CTNNBL1: variants seen among roughly 807,000 people sequenced by gnomAD.
CTNNBL1 encodes the protein beta-catenin-like protein 1.
A neutral mutation model predicts 72.7 loss-of-function variants in CTNNBL1; 31 were observed. The observed-to-expected ratio is 0.43, with a 90% confidence interval of 0.32 to 0.58. The LOEUF is 0.58. Ranked by LOEUF, CTNNBL1 falls within the 20% of genes least tolerant of loss-of-function variation. The probability of loss-of-function intolerance (pLI) is 0.08; values close to 1 mark genes in which losing one functional copy is unlikely to be tolerated. For missense variants in CTNNBL1, 534 were observed against 725.1 expected, an observed-to-expected ratio of 0.74 and a Z score of 3.03; for synonymous variants, 240 against 267.3, an observed-to-expected ratio of 0.90 and a Z score of 1.00.
At chr20:37,818,958 T>C (rs6013140) in intron 11 of CTNNBL1, among the ~76,000 whole-genome samples, 1 of 152,218 alleles carries the variant, frequency 6.6e-6, no homozygotes, top group African/African-American at 2.4e-5. Flanking sequence ...TTTTCCTTTT[T>C]TAGGCTCCCC....
chr20:37,800,392 C>T (rs891300292), intron 10 of CTNNBL1, among the ~76,000 whole-genome samples: 2 of 152,180 alleles, frequency 1.3e-5, no homozygotes, highest in East Asian at 1.9e-4. Context: ...TTTCTCACCT[C>T]CTTTTACTTT....
intron 11 of CTNNBL1, among the ~76,000 whole-genome samples, chr20:37,804,425 A>G (rs2071934497): frequency 6.6e-6 from 1 of 151,692 alleles, no homozygotes; most frequent in South Asian, 2.1e-4. Context: ...TTTTTAGAGG[A>G]GATGAACTGG....
At chr20:37,862,159 T>C (rs1304228068) in intron 15 of CTNNBL1, among the ~76,000 whole-genome samples, 1 of 152,140 alleles carries the variant, frequency 6.6e-6, no homozygotes, top group Non-Finnish European at 1.5e-5. Flanking sequence ...GGTGACACCC[T>C]GGGGGCTTCT....
At chr20:37,730,129 A>G (rs894593224) in intron 1 of CTNNBL1, among the ~76,000 whole-genome samples, 2 of 152,216 alleles carry the variant, frequency 1.3e-5, no homozygotes, top group Non-Finnish European at 2.9e-5. Context: ...ATGACTTTCT[A>G]CCACTGGCAG....
intron 1 of CTNNBL1, chr20:37,695,078 G>C (rs2091910549): frequency 6.6e-6 from 1 of 152,086 alleles, no homozygotes; most frequent in South Asian, 2.1e-4. Context: ...TATGGAAAAA[G>C]TGAAATTTTT....
At chr20:37,827,282 A>T (rs1202768421) in intron 11 of CTNNBL1, among the ~76,000 whole-genome samples, 2 of 152,166 alleles carry the variant, frequency 1.3e-5, no homozygotes, top group African/African-American at 4.8e-5. Flanking sequence ...CATTTTTTGT[A>T]CAAGTTTTAT....
intron 10 of CTNNBL1, among the ~76,000 whole-genome samples, chr20:37,788,906 T>G (rs2073701206): frequency 6.6e-6 from 1 of 152,196 alleles, no homozygotes; most frequent in Non-Finnish European, 1.5e-5. Flanking sequence ...GTGACTTTTC[T>G]CCATTCCTGT....
intron 1 of CTNNBL1, among the ~76,000 whole-genome samples, chr20:37,705,173 G>C (rs1220776101): frequency 6.6e-6 from 1 of 152,156 alleles, no homozygotes; most frequent in Non-Finnish European, 1.5e-5. Context: ...TGGAATCTCA[G>C]CTCTGCTACT....
intron 10 of CTNNBL1, among the ~76,000 whole-genome samples, chr20:37,795,028 T>C (rs1327908000): frequency 6.6e-6 from 1 of 152,150 alleles, no homozygotes; most frequent in Non-Finnish European, 1.5e-5. Flanking sequence ...TTTCATTGGT[T>C]TTGAGTTTAT....
chr20:37,791,755 C>T (rs192922687), intron 10 of CTNNBL1, among the ~76,000 whole-genome samples: 77 of 152,214 alleles, frequency 5.1e-4, no homozygotes, highest in Admixed American at 1.2e-3. Context: ...CGCGTGCGAG[C>T]GATCTAAGTT....
chr20:37,865,167 G>T (rs2072526578), intron 15 of CTNNBL1, among the ~76,000 whole-genome samples: 1 of 152,176 alleles, frequency 6.6e-6, no homozygotes, highest in Non-Finnish European at 1.5e-5. Context: ...ATCACAGGGT[G>T]CTAGGCAGGC....
Position 37,777,648 on chromosome 20 carries a change from C to A in CTNNBL1, c.824-6C>A. 6.2e-7 allele frequency: 1 copy of A among 1,613,320 alleles called. No individual in the cohort carries two copies. The highest frequency in any genetic ancestry group is 8.5e-7 in the Non-Finnish European group (1 of 1,179,440). On this transcript the variant is annotated splice_region_variant and splice_polypyrimidine_tract_variant and intron_variant, in intron 8 of 15. Coordinates refer to ENST00000361383, the MANE Select transcript of CTNNBL1 (RefSeq NM_030877.5). ...TTTTTTCTTCCTCTATTTTTTTCCC[C>A]TTTAGAAAACAGGGAATTGCTTGGG...
At chr20:37,813,035 G>C (rs1380550966) in intron 11 of CTNNBL1, among the ~76,000 whole-genome samples, 1 of 152,076 alleles carries the variant, frequency 6.6e-6, no homozygotes, top group African/African-American at 2.4e-5. Context: ...AAAGTTGGGA[G>C]GGACAAACTG....
chr20:37,854,402 C>T (rs371921529), intron 13 of CTNNBL1, among the ~76,000 whole-genome samples: 3 of 151,982 alleles, frequency 2.0e-5, no homozygotes, highest in South Asian at 4.2e-4. Context: ...CAGACAGCTC[C>T]GAAATCTATA....
intron 15 of CTNNBL1, among the ~76,000 whole-genome samples, chr20:37,862,839 T>C (rs982402764): frequency 1.1e-4 from 16 of 152,144 alleles, no homozygotes; most frequent in African/African-American, 3.6e-4. Context: ...GTCTCCGAAC[T>C]CAACCTTGAA....
At chr20:37,697,220 T>A (rs778159039) in intron 1 of CTNNBL1, among the ~76,000 whole-genome samples, 5 of 150,838 alleles carry the variant, frequency 3.3e-5, no homozygotes, top group Non-Finnish European at 7.4e-5. Context: ...TAAAGTTAGG[T>A]GTTTTGTTTG....
chr20:37,842,920 C>A (rs1342344299), intron 13 of CTNNBL1, among the ~76,000 whole-genome samples: 1 of 152,212 alleles, frequency 6.6e-6, no homozygotes, highest in African/African-American at 2.4e-5. Flanking sequence ...TGCAGCCAAG[C>A]CAAACCGCAG....
intron 10 of CTNNBL1, among the ~76,000 whole-genome samples, chr20:37,796,811 C>T (rs1406756172): frequency 6.6e-6 from 1 of 152,182 alleles, no homozygotes; most frequent in Non-Finnish European, 1.5e-5. Context: ...AGGAGCAGTG[C>T]TTCATGGTAC....
At chr20:37,742,276 TA>T (rs2073223390) in intron 3 of CTNNBL1, among the ~76,000 whole-genome samples, 1 of 152,210 alleles carries the variant, frequency 6.6e-6, no homozygotes, top group Non-Finnish European at 1.5e-5. Context: ...TTAAGTACCC[TA>T]AAACCACCGT....
Sources: gnomAD v4.1 joint callset for allele counts (sites outside exome capture counted in the v4.1 genomes callset) on GRCh38, gnomAD v4.1.1 for gene constraint, MANE v1.5 for transcripts, NCBI Gene and HGNC (gene_info 2026-07-23, HGNC 2026-07-21) for gene names.